ERAP1: variants seen among roughly 807,000 people sequenced by gnomAD.
The protein encoded by ERAP1 is endoplasmic reticulum aminopeptidase 1, also known as adipocyte-derived leucine aminopeptidase.
Under a neutral mutation model 103.7 loss-of-function variants are expected in ERAP1, and 86 were observed. That is an observed-to-expected ratio of 0.83 (90% CI 0.70 to 0.99). The LOEUF (loss-of-function observed/expected upper bound fraction) is 0.99. Ranked by LOEUF, ERAP1 falls within the 50% of genes least tolerant of loss-of-function variation. The probability of loss-of-function intolerance (pLI) is 0.00; values close to 1 mark genes in which losing one functional copy is unlikely to be tolerated. For synonymous variants in ERAP1, 398 were observed against 402.4 expected (o/e 0.99, Z 0.13); for missense variants, 1,009 against 1,128.4 (o/e 0.89, Z 1.52).
At chr5:96,841,891 G>A in the ERAP1 span, among the ~76,000 whole-genome samples, 2 of 151,694 alleles carry the variant, frequency 1.3e-5, no homozygotes, top group African/African-American at 4.8e-5. Context: ...ACCCGTCACC[G>A]AGCAGTGTAC....
At chr5:96,911,442 G>A in the ERAP1 span, among the ~76,000 whole-genome samples, 1 of 152,278 alleles carries the variant, frequency 6.6e-6, no homozygotes, top group Admixed American at 6.5e-5. Context: ...AATCAAAATA[G>A]TGGTGTCTTT....
the ERAP1 span, among the ~76,000 whole-genome samples, chr5:96,861,209 C>A: frequency 1.3e-5 from 2 of 152,320 alleles, no homozygotes; most frequent in South Asian, 2.1e-4. Flanking sequence ...CTCTGATCTG[C>A]TGGTCTTATC....
chr5:96,872,397 G>A, the ERAP1 span, among the ~76,000 whole-genome samples: 690 of 150,668 alleles, frequency 4.6e-3, 4 homozygotes, highest in African/African-American at 0.016. Context: ...TCAGGAGTTC[G>A]AAATCAACCT....
intron 15 of ERAP1, among the ~76,000 whole-genome samples, chr5:96,782,549 C>A (rs1775366539): frequency 1.3e-5 from 2 of 152,148 alleles, no homozygotes; most frequent in Admixed American, 1.3e-4. Flanking sequence ...TTTCTTTAAG[C>A]TGAAGCATGT....
chr5:96,843,084 T>C, the ERAP1 span, among the ~76,000 whole-genome samples: 7 of 152,102 alleles, frequency 4.6e-5, no homozygotes, highest in African/African-American at 1.7e-4. Flanking sequence ...GACAAAGAAT[T>C]GGACAAAACA....
chr5:96,835,741 C>T, the ERAP1 span, among the ~76,000 whole-genome samples: 3 of 152,152 alleles, frequency 2.0e-5, no homozygotes, highest in Admixed American at 2.0e-4. Flanking sequence ...TACGAAGGCT[C>T]ACAAGTCGGA....
upstream of ERAP1, among the ~76,000 whole-genome samples, chr5:96,810,076 G>A (rs1779064866): frequency 6.6e-6 from 1 of 151,694 alleles, no homozygotes; most frequent in East Asian, 1.9e-4. Context: ...ACCACCACCC[G>A]CTCCACGCCG....
chr5:96,848,995 T>C, the ERAP1 span, among the ~76,000 whole-genome samples: 1 of 152,158 alleles, frequency 6.6e-6, no homozygotes, highest in African/African-American at 2.4e-5. Context: ...TAAATGTAAT[T>C]GATCATATTA....
At chr5:96,839,536 G>T in the ERAP1 span, among the ~76,000 whole-genome samples, 1 of 152,344 alleles carries the variant, frequency 6.6e-6, no homozygotes, top group African/African-American at 2.4e-5. Flanking sequence ...ACAAAGACCA[G>T]CCAAATTCTT....
intron 10 of ERAP1, 49 bp downstream of exon 10, chr5:96,790,247 G>A (rs1407841466): frequency 6.5e-7 from 1 of 1,538,912 alleles, no homozygotes; most frequent in African/African-American, 1.4e-5. Context: ...CAAAGAATAT[G>A]CAGTAAAAGA....
chr5:96,790,652 A>C lies in ERAP1; in HGVS notation c.1321-9T>G. 1 of 1,603,562 alleles carries C rather than the reference A, an allele frequency of 6.2e-7. No homozygotes were observed. The highest frequency in any genetic ancestry group is 8.5e-7 in the Non-Finnish European group (1 of 1,170,532). ...TTCAGAATACAAGCTCCCTGAAAAGATAATAGAAATAATTGTTATCTATAG... is the reference window on the plus strand; with the variant it reads ...TTCAGAATACAAGCTCCCTGAAAAGCTAATAGAAATAATTGTTATCTATAG... On this transcript the variant is annotated splice_polypyrimidine_tract_variant and intron_variant, in intron 8 of 18. Coordinates refer to ENST00000443439, the MANE Select transcript of ERAP1 (RefSeq NM_001040458.3).
chr5:96,794,934 G>A (rs1777177855), intron 5 of ERAP1, 108 bp downstream of exon 5: 1 of 1,378,100 alleles, frequency 7.3e-7, no homozygotes, highest in African/African-American at 1.4e-5. Flanking sequence ...TGGGGTTTTT[G>A]TGGCTTGAGG....
the ERAP1 span, among the ~76,000 whole-genome samples, chr5:96,927,327 G>T: frequency 4.6e-5 from 7 of 152,184 alleles, no homozygotes; most frequent in South Asian, 2.1e-4. Flanking sequence ...CTATTATCTG[G>T]TTTTTTTATT....
At chr5:96,873,494 C>A in the ERAP1 span, 1 of 454,658 alleles carries the variant, frequency 2.2e-6, no homozygotes, top group Non-Finnish European at 4.4e-6. Context: ...TCCAAAGTGG[C>A]TTCTTGGGGC....
At chr5:96,786,102 C>G in intron 12 of ERAP1, 131 bp from the exon 13 acceptor site, 1 of 839,494 alleles carries the variant, frequency 1.2e-6, no homozygotes, top group South Asian at 1.5e-5. Flanking sequence ...ACTTATTTCT[C>G]TCAGAAACCA....
chr5:96,803,900 G>A lies in ERAP1; in HGVS notation c.27C>T (p.Ser9=), dbSNP rs141607437. The A allele has an allele frequency of 1.9e-6, 3 of 1,608,878 alleles. No homozygotes were observed. The highest frequency in any genetic ancestry group is 1.3e-5 in the African/African-American group (1 of 74,898). Residue 9 remains serine, a synonymous_variant, in exon 2 of 19, where the codon TCC becomes TCT. Transcript: ENST00000443439. MVFLPLKW[S]LATMSFLLSS... is the part of the protein sequence containing the mutation. Reference sequence around the variant, plus strand: ...AAAGTAGAAATGACATGGTTGCAAGGGACCATTTGAGGGGCAGAAACACCA... The same window carrying A: ...AAAGTAGAAATGACATGGTTGCAAGAGACCATTTGAGGGGCAGAAACACCA...
chr5:96,825,385 G>T, the ERAP1 span, among the ~76,000 whole-genome samples: 1 of 152,286 alleles, frequency 6.6e-6, no homozygotes, highest in African/African-American at 2.4e-5. Context: ...GTGTCAGGGT[G>T]TGTTTTATGG....
Position 96,775,435 on chromosome 5 carries a change from GAAAA to G in ERAP1, c.*957_*960del. ...GTAGGCCAAATAAGAAGCAGAGAGA[GAAAA>G]AAAATCACCTCCCTAAGAAAAGGGT... On this transcript the variant is annotated 3_prime_UTR_variant, in exon 19 of 19. Coordinates refer to ENST00000443439, the MANE Select transcript of ERAP1 (RefSeq NM_001040458.3). 2 of 985,100 alleles carry G rather than the reference GAAAA, an allele frequency of 2.0e-6. No individual in the cohort carries two copies. Among genetic ancestry groups the G allele is most frequent in the South Asian group, 9.4e-5 (2 of 21,272 alleles). The allele number at this position is 985,100 out of a possible 1,614,324, so 61.0% of individuals were successfully genotyped here.
chr5:96,881,086 C>T, the ERAP1 span: 6 of 229,304 alleles, frequency 2.6e-5, no homozygotes, highest in African/African-American at 6.9e-5. Context: ...CTGAGGAGAG[C>T]GAACAAGAGG....
Sources: allele counts gnomAD v4.1 joint callset (sites outside exome capture counted in the v4.1 genomes callset), GRCh38; gene constraint gnomAD v4.1.1; transcripts MANE v1.5; gene names NCBI Gene and HGNC (gene_info 2026-07-23, HGNC 2026-07-21).